Variants in OSTM1 observed in about 807,000 individuals in gnomAD.
OSTM1 encodes osteoclastogenesis associated transmembrane protein 1, also known as osteopetrosis-associated transmembrane protein 1.
OSTM1 carries 26 observed loss-of-function variants against 35.4 expected under a neutral mutation model. The ratio of observed to expected loss-of-function variants is 0.73; its 90% CI spans 0.54 to 1.02. OSTM1 has a LOEUF of 1.02. Among genes scored for constraint, OSTM1 ranks in the 50% least tolerant of loss-of-function variants. OSTM1 has a pLI of 0.00. For synonymous variants in OSTM1, 181 were observed against 165.0 expected (o/e 1.10, Z -0.75); for missense variants, 366 against 409.6 (o/e 0.89, Z 0.92).
intron 2 of OSTM1, among the ~76,000 whole-genome samples, chr6:108,062,532 TTTC>T (rs1430784752): frequency 1.5e-5 from 2 of 136,682 alleles, no homozygotes; most frequent in South Asian, 2.3e-4. Context: ...AAGCTTTTCT[TTTC>T]TTTTTTTTTT....
chr6:108,067,144 A>G (rs908539307), intron 1 of OSTM1, among the ~76,000 whole-genome samples: 9 of 150,730 alleles, frequency 6.0e-5, no homozygotes, highest in African/African-American at 2.2e-4. Flanking sequence ...TACAACCGCT[A>G]TTTCAAATCC....
intron 1 of OSTM1, among the ~76,000 whole-genome samples, chr6:108,070,490 C>A (rs1216822142): frequency 2.0e-5 from 3 of 152,154 alleles, no homozygotes; most frequent in Admixed American, 6.5e-5. Flanking sequence ...TGAATCTTAC[C>A]CTTCTTTTCC....
chr6:108,073,112 G>T (rs1380147198), intron 1 of OSTM1, among the ~76,000 whole-genome samples: 1 of 152,190 alleles, frequency 6.6e-6, no homozygotes, highest in Non-Finnish European at 1.5e-5. Flanking sequence ...ACACAGCCAT[G>T]ACAGATTTAT....
intron 1 of OSTM1, among the ~76,000 whole-genome samples, chr6:108,071,594 C>T (rs555024542): frequency 6.0e-5 from 9 of 151,014 alleles, no homozygotes; most frequent in East Asian, 2.0e-4. Context: ...ATTACAGACA[C>T]GAGCCACCAC....
chr6:108,045,076 C>T (rs1476329076), intron 5 of OSTM1, among the ~76,000 whole-genome samples: 3 of 152,122 alleles, frequency 2.0e-5, no homozygotes, highest in African/African-American at 7.2e-5. Context: ...AAAACAACAT[C>T]ATTTATATCT....
Position 108,074,670 on chromosome 6 carries a change from C to G in OSTM1, c.-19G>C. On this transcript the variant is annotated 5_prime_UTR_variant, in exon 1 of 6. Coordinates refer to ENST00000193322, the MANE Select transcript of OSTM1 (RefSeq NM_014028.4). ...GCTCCATCACCGGGCTCACACACCC[C>G]AGGGAGCCCACCGCCGCCTCTCCGC... 1 of 1,522,498 alleles carries G rather than the reference C, an allele frequency of 6.6e-7. No homozygotes were observed. The highest frequency in any genetic ancestry group is 8.8e-7 in the Non-Finnish European group (1 of 1,141,062). The allele number at this position is 1,522,498 out of a possible 1,614,324, so 94.3% of individuals were successfully genotyped here.
At chr6:108,072,203 C>G (rs909139564) in intron 1 of OSTM1, among the ~76,000 whole-genome samples, 5 of 152,122 alleles carry the variant, frequency 3.3e-5, no homozygotes, top group African/African-American at 1.2e-4. Flanking sequence ...GATGCTATAT[C>G]GTATCCTGCT....
Position 108,048,986 on chromosome 6 carries a change from C to T in OSTM1, c.949+267G>A, listed in dbSNP as rs535347109. ...CAGGATGGTCTCGATCTCCTGACCT[C>T]GTGATCCGCCCACCTCATCCTCCCA... On this transcript the variant is annotated intron_variant, in intron 5 of 5. Transcript: ENST00000193322. Among the ~76,000 whole-genome samples the T allele has an allele frequency of 3.5e-4, 53 of 152,054 alleles. No individual in the cohort carries two copies. The South Asian group carries it at 0.01, about 30-fold the overall frequency.
chr6:108,063,733 TTATAC>T (rs1772329250), intron 2 of OSTM1, among the ~76,000 whole-genome samples: 1 of 152,204 alleles, frequency 6.6e-6, no homozygotes. Context: ...ATAATTATTA[TTATAC>T]TAAACAGTTA....
rs1335293241 is a variant in OSTM1 at position 108,064,257 on chromosome 6, C to T, written c.445G>A (p.Ala149Thr). The change falls in exon 2 of 6, where the codon GCA becomes ACA. Residue 149 changes from alanine (A) to threonine (T), a missense_variant. By Grantham distance (58) the Ala-to-Thr change is moderately conservative (BLOSUM62 0). Transcript: ENST00000193322. ...SQSCARSLLMADRMQIVVILS... is the reference protein window; with the variant it reads ...SQSCARSLLMTDRMQIVVILS... ...ATCACAACTATTTGCATTCTATCTG[C>T]CATTAAGAGACTTCTGGCACAACTC... 3.1e-6 allele frequency: 5 copies of T among 1,604,258 alleles called. No homozygotes were observed. The highest frequency in any genetic ancestry group is 1.1e-5 in the South Asian group (1 of 90,944).
At chr6:108,054,361 A>T in intron 3 of OSTM1, 129 bp downstream of exon 3, 1 of 459,232 alleles carries the variant, frequency 2.2e-6, no homozygotes, top group Non-Finnish European at 3.8e-6. Context: ...GCAGAAATCC[A>T]GGTCCACTAA....
At chr6:108,063,642 A>C (rs2114605770) in intron 2 of OSTM1, among the ~76,000 whole-genome samples, 1 of 152,274 alleles carries the variant, frequency 6.6e-6, no homozygotes, top group Middle Eastern at 3.4e-3. Flanking sequence ...TTACACACAA[A>C]CCTGCAAAGA....
chr6:108,049,157 C>CT, intron 5 of OSTM1, 96 bp downstream of exon 5: 1 of 800,802 alleles, frequency 1.2e-6, no homozygotes, highest in Non-Finnish European at 2.1e-6. Flanking sequence ...GGCTAATCTA[C>CT]TTTGAGTTCT....
At chr6:108,055,728 T>A (rs1772160117) in intron 2 of OSTM1, among the ~76,000 whole-genome samples, 1 of 152,180 alleles carries the variant, frequency 6.6e-6, no homozygotes, top group African/African-American at 2.4e-5. Flanking sequence ...AGAATACTAC[T>A]ACAGAAATTC....
At chr6:108,056,882 A>C (rs1394707361) in intron 2 of OSTM1, among the ~76,000 whole-genome samples, 1 of 152,216 alleles carries the variant, frequency 6.6e-6, no homozygotes, top group Non-Finnish European at 1.5e-5. Context: ...ACAAATTAGG[A>C]AACTAAGCCA....
intron 5 of OSTM1, among the ~76,000 whole-genome samples, chr6:108,046,338 CT>C (rs924718207): frequency 1.5e-5 from 2 of 131,174 alleles, no homozygotes; most frequent in African/African-American, 2.9e-5. Context: ...TCTCTGGTTT[CT>C]TTTTTTTCTT....
At position 108,049,147 on chromosome 6, in the gene OSTM1, G is replaced by C; in HGVS notation, c.949+106C>G. 3 of 742,860 alleles carry C rather than the reference G, an allele frequency of 4.0e-6. No individual in the cohort carries two copies. In the South Asian group the frequency reaches 4.9e-5, roughly 12 times the overall value. 46.0% of individuals were successfully genotyped at this position (742,860 alleles called of 1,614,324 possible). On this transcript the variant is annotated intron_variant, in intron 5 of 5. Transcript: ENST00000193322. ...AAACTTAAAGCAGAGAGTCCTTTTAGGCTAATCTACTTTGAGTTCTCAGAG... is the reference window on the plus strand; with the variant it reads ...AAACTTAAAGCAGAGAGTCCTTTTACGCTAATCTACTTTGAGTTCTCAGAG...
At chr6:108,054,652 A>G in intron 2 of OSTM1, 65 bp from the exon 3 acceptor site, 1 of 753,522 alleles carries the variant, frequency 1.3e-6, no homozygotes, top group Non-Finnish European at 2.3e-6. Flanking sequence ...TGTCATTTAT[A>G]TCTTAAGCTA....
intron 2 of OSTM1, among the ~76,000 whole-genome samples, chr6:108,055,993 T>C (rs1772163815): frequency 6.6e-6 from 1 of 152,178 alleles, no homozygotes; most frequent in African/African-American, 2.4e-5. Flanking sequence ...TGCAAAGCTA[T>C]TGCAATTACC....
Sources: gnomAD v4.1 joint callset for allele counts (sites outside exome capture counted in the v4.1 genomes callset) on GRCh38, gnomAD v4.1.1 for gene constraint, MANE v1.5 for transcripts, NCBI Gene and HGNC (gene_info 2026-07-23, HGNC 2026-07-21) for gene names.